Variants in TOX2 observed in about 807,000 individuals in gnomAD.
TOX2 encodes the protein granulosa cell HMG box 1.
In TOX2, 15 loss-of-function variants were observed where a neutral mutation model predicts 47.4. The ratio of observed to expected loss-of-function variants is 0.32; its 90% CI spans 0.21 to 0.49. TOX2 has a LOEUF of 0.49. Among genes scored for constraint, TOX2 ranks in the 20% least tolerant of loss-of-function variants. The probability of loss-of-function intolerance (pLI) is 0.99; values close to 1 mark genes in which losing one functional copy is unlikely to be tolerated. For synonymous variants in TOX2, 290 were observed against 296.6 expected (o/e 0.98, Z 0.23); for missense variants, 622 against 673.1 (o/e 0.92, Z 0.84).
chr20:43,918,052 TC>T (rs11479345), intron 1 of TOX2, among the ~76,000 whole-genome samples: 61,719 of 151,948 alleles, frequency 0.41, 12,767 homozygotes, highest in East Asian at 0.47. Flanking sequence ...CAGGTTTGAC[TC>T]CCAGCAGGAC....
At chr20:43,989,394 C>T (rs1392317592) in intron 2 of TOX2, among the ~76,000 whole-genome samples, 8 of 152,148 alleles carry the variant, frequency 5.3e-5, no homozygotes, top group Admixed American at 3.9e-4. Flanking sequence ...ATCACACATG[C>T]GGGAGCCCAG....
At chr20:43,980,668 G>T (rs2070154558) in intron 2 of TOX2, among the ~76,000 whole-genome samples, 1 of 151,960 alleles carries the variant, frequency 6.6e-6, no homozygotes, top group Non-Finnish European at 1.5e-5. Flanking sequence ...AAAATGATTT[G>T]ATAAATGTTA....
chr20:43,968,706 A>G (rs1011745293), intron 1 of TOX2, among the ~76,000 whole-genome samples: 1 of 152,238 alleles, frequency 6.6e-6, no homozygotes, highest in East Asian at 1.9e-4. Context: ...TTGCAGAACA[A>G]TCTTCCAGCT....
intron 3 of TOX2, among the ~76,000 whole-genome samples, chr20:44,049,706 T>C (rs1014390540): frequency 2.0e-5 from 3 of 152,202 alleles, no homozygotes; most frequent in Non-Finnish European, 4.4e-5. Flanking sequence ...AGCGTTCACA[T>C]TGTTCGGCTT....
chr20:43,939,777 T>C (rs1401272130), intron 1 of TOX2, among the ~76,000 whole-genome samples: 1 of 152,120 alleles, frequency 6.6e-6, no homozygotes, highest in Non-Finnish European at 1.5e-5. Context: ...TTTTGCTAGA[T>C]TGTCTAAGGA....
At chr20:43,934,195 A>G (rs1408859706) in intron 1 of TOX2, among the ~76,000 whole-genome samples, 1 of 150,754 alleles carries the variant, frequency 6.6e-6, no homozygotes, top group Non-Finnish European at 1.5e-5. Flanking sequence ...AATGGCAGAA[A>G]TTACCACTGA....
At chr20:44,032,730 C>A (rs2071175782) in intron 3 of TOX2, among the ~76,000 whole-genome samples, 1 of 152,216 alleles carries the variant, frequency 6.6e-6, no homozygotes, top group African/African-American at 2.4e-5. Context: ...CCATCCCAAC[C>A]TGAACAGAAA....
chr20:43,940,517 C>A (rs1339256350), intron 1 of TOX2, among the ~76,000 whole-genome samples: 2 of 147,486 alleles, frequency 1.4e-5, no homozygotes, highest in Non-Finnish European at 3.0e-5. Context: ...AGCAATCGCA[C>A]CTGGCAACTT....
rs372982095 is a variant in TOX2, at chr20:44,061,945, T to G, written c.880-2832T>G. Among the ~76,000 whole-genome samples, 10 of 151,618 alleles carry G rather than the reference T, an allele frequency of 6.6e-5. 1 individual carries two copies. Among genetic ancestry groups the G allele is most frequent in the African/African-American group, 2.4e-4 (10 of 41,104 alleles). ...TTGAGCATCCCTTTGATTAAAACCC[T>G]CAGCAAAATCGGCATAGAAGGGACA... On this transcript the variant is annotated intron_variant, in intron 5 of 8. Coordinates refer to ENST00000341197, the MANE Select transcript of TOX2 (RefSeq NM_001098797.2).
intron 3 of TOX2, among the ~76,000 whole-genome samples, chr20:44,044,924 GC>G (rs2071390730): frequency 6.6e-6 from 1 of 152,152 alleles, no homozygotes; most frequent in Non-Finnish European, 1.5e-5. Flanking sequence ...AGGGTGTATT[GC>G]TCAGCCTTAA....
intron 1 of TOX2, among the ~76,000 whole-genome samples, chr20:43,971,579 G>T (rs763541992): frequency 9.2e-5 from 14 of 152,298 alleles, no homozygotes; most frequent in Middle Eastern, 3.4e-3. Flanking sequence ...CATACAGTTG[G>T]ATCCAGCAAT....
Position 44,066,825 on chromosome 20 carries a change from C to T in TOX2, c.1452C>T (p.Tyr484=). Residue 484 remains tyrosine (Y), a synonymous_variant, in exon 8 of 9, where the codon TAC becomes TAT. Transcript: ENST00000341197. ...GCAGCGGGGACTGGGACAGCAGCTACCCCAGTGGGGAGTGTGGCATCAGCA... is the reference window on the plus strand; with the variant it reads ...GCAGCGGGGACTGGGACAGCAGCTATCCCAGTGGGGAGTGTGGCATCAGCA... The part of the protein sequence containing the change: ...PTSSGDWDSS[Y]PSGECGISTC... 1.9e-6 allele frequency: 3 copies of T among 1,614,132 alleles called. No individual in the cohort carries two copies. The highest frequency in any genetic ancestry group is 1.1e-5 in the South Asian group (1 of 91,082).
intron 1 of TOX2, chr20:43,955,267 G>C (rs1210813008): frequency 1.0e-6 from 1 of 985,368 alleles, no homozygotes. Context: ...CTGTGGATCT[G>C]TGCATGTGAG....
At chr20:43,947,123 GC>G (rs1471896139) in intron 1 of TOX2, among the ~76,000 whole-genome samples, 2 of 152,244 alleles carry the variant, frequency 1.3e-5, no homozygotes, top group Non-Finnish European at 2.9e-5. Flanking sequence ...TGAGGAGCCA[GC>G]TGGACACAGA....
intron 1 of TOX2, among the ~76,000 whole-genome samples, chr20:43,930,634 T>C (rs554650674): frequency 5.6e-4 from 86 of 152,286 alleles, no homozygotes; most frequent in African/African-American, 2.0e-3. Context: ...TGGGGCACAG[T>C]TGGCCTGGCC....
Position 44,051,535 on chromosome 20 carries a change from T to C in TOX2, c.641T>C (p.Val214Ala), listed in dbSNP as rs6103584. 4,692 of 1,595,292 alleles carry C rather than the reference T, an allele frequency of 2.9e-3. 137 individuals carry two copies. The African/African-American group carries it at 0.057, about 19-fold the overall frequency. The change falls in exon 4 of 9, where the codon GTG (valine) becomes GCG (alanine). Residue 214 changes from valine (V) to alanine (A), a missense_variant. Val to Ala is a moderately conservative substitution (Grantham distance 64). Around this residue, in one of 3 missense-constraint regions of TOX2, gnomAD observed 307 missense variants for 327.3 expected, o/e 0.94. Coordinates refer to ENST00000341197, the MANE Select transcript of TOX2 (RefSeq NM_001098797.2). ...TCCACTCAGGAAGAGGAGTCGGAAG[T>C]GCATTTCAAGGTATGTGCGGTGGAG... ...SSSTQEEESE[V>A]HFKISGEKRP...
At chr20:44,026,957 C>A (rs2071077784) in intron 3 of TOX2, among the ~76,000 whole-genome samples, 1 of 152,326 alleles carries the variant, frequency 6.6e-6, no homozygotes, top group South Asian at 2.1e-4. Flanking sequence ...TAACCAGCCA[C>A]TTCAACACAG....
chr20:44,051,473 G>C lies in TOX2; in HGVS notation c.579G>C (p.Pro193=). 1 of 1,613,426 alleles carries C rather than the reference G, an allele frequency of 6.2e-7. No individual in the cohort carries two copies. ...RSSIAHSSPS[P]PGSKSATPSP... ...GCATCGCCCACAGCTCCCCATCACC[G>C]CCGGGGAGCAAGTCAGCGACCCCCT... is the stretch of plus-strand genomic sequence containing the variant. The change falls in exon 4 of 9, where the codon CCG becomes CCC. Residue 193 remains proline (P), a synonymous_variant. Coordinates refer to ENST00000341197, the MANE Select transcript of TOX2 (RefSeq NM_001098797.2).
At chr20:43,923,874 G>A (rs150090368) in intron 1 of TOX2, among the ~76,000 whole-genome samples, 7 of 152,346 alleles carry the variant, frequency 4.6e-5, no homozygotes, top group South Asian at 2.1e-4. Flanking sequence ...AGCTGGCCTG[G>A]CCTGACCTGT....
Sources: allele counts gnomAD v4.1 joint callset (sites outside exome capture counted in the v4.1 genomes callset), GRCh38; gene constraint gnomAD v4.1.1; regional missense constraint gnomAD v4.1.1; transcripts MANE v1.5; gene names NCBI Gene and HGNC (gene_info 2026-07-23, HGNC 2026-07-21).